The following PLSCR2 variants were observed in gnomAD, a reference collection of about 807,000 sequenced individuals.
PLSCR2 encodes PL scramblase 2.
A neutral mutation model predicts 25.3 loss-of-function variants in PLSCR2; 18 were observed. That is an observed-to-expected ratio of 0.71 (90% confidence interval 0.49 to 1.06). PLSCR2 has a LOEUF of 1.06. PLSCR2 is among the 50% of genes least tolerant of loss of function. The pLI, the probability that PLSCR2 is intolerant of heterozygous loss-of-function variation, is 0.00. For missense variants in PLSCR2, 243 were observed against 269.5 expected (o/e 0.90, Z 0.69); for synonymous variants, 88 against 87.3 (o/e 1.01, Z -0.04).
At chr3:146,396,901 T>C (rs1271566401) in intron 2 of PLSCR2, among the ~76,000 whole-genome samples, 1 of 152,100 alleles carries the variant, frequency 6.6e-6, no homozygotes, top group Admixed American at 6.5e-5. Context: ...TCTTATCTCT[T>C]ATACTACAGA....
chr3:146,480,929 A>C (rs1180211636), intron 1 of PLSCR2, among the ~76,000 whole-genome samples: 1 of 152,182 alleles, frequency 6.6e-6, no homozygotes, highest in Non-Finnish European at 1.5e-5. Flanking sequence ...GTGGTTCAAC[A>C]TATGCAAATC....
intron 1 of PLSCR2, among the ~76,000 whole-genome samples, chr3:146,479,138 A>G (rs1015226571): frequency 2.0e-5 from 3 of 152,216 alleles, no homozygotes; most frequent in African/African-American, 7.2e-5. Context: ...ACTGCAAAAC[A>G]TGCCAAATTA....
intron 6 of PLSCR2, among the ~76,000 whole-genome samples, chr3:146,449,005 T>C (rs182508232): frequency 1.9e-4 from 29 of 152,318 alleles, no homozygotes; most frequent in Admixed American, 7.8e-4. Flanking sequence ...TGAAAGTGTG[T>C]AGACTCTTCA....
chr3:146,411,285 C>T (rs1219831389), intron 2 of PLSCR2, among the ~76,000 whole-genome samples: 1 of 152,082 alleles, frequency 6.6e-6, no homozygotes, highest in African/African-American at 2.4e-5. Flanking sequence ...TACCAGAAAA[C>T]CAAGGCTCAA....
At chr3:146,470,847 CT>C (rs1422245015) in intron 1 of PLSCR2, among the ~76,000 whole-genome samples, 1 of 152,162 alleles carries the variant, frequency 6.6e-6, no homozygotes. Flanking sequence ...GTGAAAATTA[CT>C]TGACAATCTC....
intron 3 of PLSCR2, among the ~76,000 whole-genome samples, chr3:146,456,892 T>C (rs1258730399): frequency 6.6e-6 from 1 of 152,118 alleles, no homozygotes; most frequent in East Asian, 1.9e-4. Context: ...ATTGTGCAAA[T>C]ATATGTAAAG....
At chr3:146,426,146 C>T (rs1183695347) in intron 2 of PLSCR2, among the ~76,000 whole-genome samples, 5 of 151,330 alleles carry the variant, frequency 3.3e-5, no homozygotes, top group African/African-American at 7.3e-5. Flanking sequence ...TTCTCTATTC[C>T]TCCCTCTCTG....
At chr3:146,401,033 T>G (rs1475440006) in intron 2 of PLSCR2, among the ~76,000 whole-genome samples, 1 of 151,982 alleles carries the variant, frequency 6.6e-6, no homozygotes, top group African/African-American at 2.4e-5. Context: ...GATTTAAATA[T>G]AAATATAGAG....
chr3:146,491,822 GA>G (rs2043562339), intron 1 of PLSCR2, among the ~76,000 whole-genome samples: 1 of 152,102 alleles, frequency 6.6e-6, no homozygotes, highest in Non-Finnish European at 1.5e-5. Flanking sequence ...TCCATACTCT[GA>G]ATTCTATGTC....
chr3:146,407,681 T>C (rs992639073), intron 2 of PLSCR2, among the ~76,000 whole-genome samples: 1 of 152,182 alleles, frequency 6.6e-6, no homozygotes, highest in African/African-American at 2.4e-5. Flanking sequence ...AAGCCGTACC[T>C]GGTGTCAGTG....
downstream of PLSCR2, chr3:146,433,153 A>G (rs1371985464): frequency 6.6e-6 from 1 of 152,138 alleles, no homozygotes; most frequent in Non-Finnish European, 1.5e-5. Context: ...TGCCTCCATC[A>G]TACTTTAAAA....
chr3:146,459,670 T>C (rs1420942203), intron 2 of PLSCR2, among the ~76,000 whole-genome samples, 178 bp downstream of exon 2: 1 of 152,214 alleles, frequency 6.6e-6, no homozygotes, highest in African/African-American at 2.4e-5. Flanking sequence ...GATTTAACAA[T>C]GAATCGAACC....
intron 2 of PLSCR2, among the ~76,000 whole-genome samples, chr3:146,423,263 CTCTCTCTCTCTCTCTCTCT>C (rs2039216875): frequency 1.4e-5 from 2 of 146,134 alleles, no homozygotes; most frequent in South Asian, 2.4e-4. Context: ...CTCTCTCTCT[CTCTCTCTCTCTCTCTCTCT>C]CCCTGGCTAG....
At chr3:146,468,415 C>T (rs767469605) in intron 1 of PLSCR2, among the ~76,000 whole-genome samples, 38 of 152,252 alleles carry the variant, frequency 2.5e-4, no homozygotes, top group Admixed American at 6.5e-4. Flanking sequence ...GAAACAACGA[C>T]TGCCTGTTCC....
intron 1 of PLSCR2, among the ~76,000 whole-genome samples, chr3:146,469,905 C>T (rs1009665591): frequency 1.3e-4 from 20 of 152,086 alleles, no homozygotes; most frequent in Admixed American, 1.2e-3. Context: ...GTTAAGGGCA[C>T]AGATGAACTG....
chr3:146,493,072 T>A (rs1197541889), intron 1 of PLSCR2, among the ~76,000 whole-genome samples: 1 of 151,830 alleles, frequency 6.6e-6, no homozygotes, highest in East Asian at 1.9e-4. Context: ...ATAAATAAAT[T>A]TCTGGAAATA....
chr3:146,398,422 A>G (rs1447287511), intron 2 of PLSCR2, among the ~76,000 whole-genome samples: 1 of 151,794 alleles, frequency 6.6e-6, no homozygotes, highest in African/African-American at 2.4e-5. Context: ...TTGAGATATT[A>G]AATAACAAAC....
chr3:146,460,443 G>GAA (rs59446001), upstream of PLSCR2, among the ~76,000 whole-genome samples: 631 of 133,704 alleles, frequency 4.7e-3, 5 homozygotes, highest in Non-Finnish European at 7.5e-3. Flanking sequence ...GATGAAATTG[G>GAA]AAAAAAAAAA....
chr3:146,408,971 C>T (rs545007897), intron 2 of PLSCR2, among the ~76,000 whole-genome samples: 12 of 152,172 alleles, frequency 7.9e-5, no homozygotes, highest in African/African-American at 2.9e-4. Context: ...ACTTTTTGGC[C>T]TCTCTTCGGA....
Sources: gnomAD v4.1 joint callset for allele counts (sites outside exome capture counted in the v4.1 genomes callset) on GRCh38, gnomAD v4.1.1 for gene constraint, MANE v1.5 for transcripts, NCBI Gene and HGNC (gene_info 2026-07-23, HGNC 2026-07-21) for gene names.